Variants in P2RX7 observed in about 807,000 individuals in gnomAD.
P2RX7 encodes the protein purinergic receptor P2X 7.
In P2RX7, 62 loss-of-function variants were observed where a neutral mutation model predicts 71.6. The ratio of observed to expected loss-of-function variants is 0.87; its 90% CI spans 0.71 to 1.07. The LOEUF is 1.07. Ranked by LOEUF, P2RX7 falls within the 50% of genes least tolerant of loss-of-function variation. The pLI, the probability that P2RX7 is intolerant of heterozygous loss-of-function variation, is 0.00. For synonymous variants in P2RX7, 299 were observed against 283.3 expected (o/e 1.06, Z -0.56); for missense variants, 686 against 748.5 (o/e 0.92, Z 0.97).
At chr12:121,155,114 C>G in intron 2 of P2RX7, 161 bp downstream of exon 2, 1 of 1,473,148 alleles carries the variant, frequency 6.8e-7, no homozygotes, top group Non-Finnish European at 9.1e-7. Context: ...AATTGCAAAA[C>G]TGGGTGAGAT....
chr12:121,134,906 G>C (rs1327219605), intron 1 of P2RX7, among the ~76,000 whole-genome samples: 1 of 151,824 alleles, frequency 6.6e-6, no homozygotes, highest in South Asian at 2.1e-4. Context: ...TCTGGGCCAA[G>C]TCATTAACTT....
chr12:121,155,469 G>A (rs954120922), intron 2 of P2RX7: 2 of 1,122,656 alleles, frequency 1.8e-6, no homozygotes. Flanking sequence ...TTGCAAGCAG[G>A]GAAAATGAAA....
rs1565949637 is a variant in P2RX7, at chr12:121,154,983, CG to C, written c.294+31del. ...GCACCTCGTAGCATTCTCCCAGGCT[CG>C]TCGCTGGTCACCGTCGCCAGGGCCT... On this transcript the variant is annotated intron_variant, in intron 2 of 12. Coordinates refer to ENST00000328963, the MANE Select transcript of P2RX7 (RefSeq NM_002562.6). The surrounding 1 kb of genome is among the most constrained non-coding windows in gnomAD (Gnocchi z 4.2). The C allele has an allele frequency of 6.2e-7, 1 of 1,611,626 alleles. No homozygotes were observed. The highest frequency in any genetic ancestry group is 8.5e-7 in the Non-Finnish European group (1 of 1,178,432).
At chr12:121,161,620 C>T (rs568748928) in intron 4 of P2RX7, among the ~76,000 whole-genome samples, 2 of 151,638 alleles carry the variant, frequency 1.3e-5, no homozygotes, top group South Asian at 4.2e-4. Flanking sequence ...GGTGAAACCC[C>T]GTCTCTACTA....
intron 5 of P2RX7, among the ~76,000 whole-genome samples, chr12:121,164,500 G>A (rs747291518): frequency 6.6e-6 from 1 of 152,196 alleles, no homozygotes. Context: ...GAACTACCTA[G>A]CCAGGTGCGG....
intron 8 of P2RX7, among the ~76,000 whole-genome samples, chr12:121,168,629 C>G (rs1402035616): frequency 6.6e-6 from 1 of 152,102 alleles, no homozygotes; most frequent in Non-Finnish European, 1.5e-5. Flanking sequence ...TCCCAACAAC[C>G]CTGGAAGGAA....
rs200000944 is a variant in P2RX7, at chr12:121,175,487, C to T, written c.972+9C>T. ...TCCTGGTTTTTGGCACCGTAAGTCT[C>T]GTTTCCCAGCTCCGGGCACCGGCAT... is the stretch of plus-strand genomic sequence containing the variant. On this transcript the variant is annotated intron_variant, in intron 9 of 12. Transcript: ENST00000328963. 37 of 1,147,804 alleles carry T rather than the reference C, an allele frequency of 3.2e-5. No homozygotes were observed. Among genetic ancestry groups the T allele is most frequent in the African/African-American group, 4.6e-5 (3 of 65,814 alleles). The allele number at this position is 1,147,804 out of a possible 1,614,324, so 71.1% of individuals were successfully genotyped here.
At chr12:121,177,111 A>AT in intron 9 of P2RX7, 36 bp from the exon 10 acceptor site, 2 of 1,593,590 alleles carry the variant, frequency 1.3e-6, no homozygotes, top group African/African-American at 1.3e-5. Context: ...GTTGCTCTGA[A>AT]TTTCACCTGA....
chr12:121,164,545 C>T (rs1323317512), intron 5 of P2RX7, among the ~76,000 whole-genome samples: 1 of 152,138 alleles, frequency 6.6e-6, no homozygotes, highest in Admixed American at 6.6e-5. Context: ...CTTTGGCAGG[C>T]TGAGGCAGGC....
chr12:121,177,691 T>TTC (rs1883396702), intron 11 of P2RX7, among the ~76,000 whole-genome samples: 1 of 61,280 alleles, frequency 1.6e-5, no homozygotes, highest in African/African-American at 6.3e-5. Flanking sequence ...TTTTGTCATT[T>TTC]ATTTATTTAT....
chr12:121,138,922 T>C (rs1329553366), intron 1 of P2RX7, among the ~76,000 whole-genome samples: 1 of 152,234 alleles, frequency 6.6e-6, no homozygotes, highest in Non-Finnish European at 1.5e-5. Context: ...AAGCCGCCTA[T>C]GGTGGCACCA....
At chr12:121,134,003 C>T (rs888515655) in intron 1 of P2RX7, among the ~76,000 whole-genome samples, 16 of 152,118 alleles carry the variant, frequency 1.1e-4, no homozygotes, top group African/African-American at 3.1e-4. Flanking sequence ...GGATTACAGG[C>T]GTGAGCCATT....
intron 1 of P2RX7, among the ~76,000 whole-genome samples, chr12:121,153,762 C>T (rs925193830): frequency 5.9e-5 from 9 of 151,932 alleles, no homozygotes; most frequent in African/African-American, 2.2e-4. Flanking sequence ...ACTGTTGTGA[C>T]GATTAAAGGA....
chr12:121,177,962 A>G (rs1248253800), intron 11 of P2RX7, among the ~76,000 whole-genome samples: 1 of 151,886 alleles, frequency 6.6e-6, no homozygotes, highest in Non-Finnish European at 1.5e-5. Context: ...CAAATGATCC[A>G]CCCACTCGGC....
At position 121,174,185 on chromosome 12, in the gene P2RX7, T is replaced by C. The variant is rs371655598; in HGVS notation, c.882-1203T>C. 2.3e-3 allele frequency among the ~76,000 whole-genome samples: 341 copies of C among 151,228 alleles called. 1 individual carries two copies. Among genetic ancestry groups the C allele is most frequent in the African/African-American group, 7.9e-3 (327 of 41,198 alleles). The stretch of plus-strand genomic sequence containing the variant: ...GCCTCAGCGTCCTGAGTAGCTGGGA[T>C]TACAGGTGCCTGCCACCATGCACGG... On this transcript the variant is annotated intron_variant, in intron 8 of 12. Coordinates refer to ENST00000328963, the MANE Select transcript of P2RX7 (RefSeq NM_002562.6).
At chr12:121,139,687 G>GCAAATC (rs1241506356) in intron 1 of P2RX7, among the ~76,000 whole-genome samples, 1 of 151,056 alleles carries the variant, frequency 6.6e-6, no homozygotes. Context: ...GCCAGGAGGA[G>GCAAATC]CAAATCCAAA....
At chr12:121,172,399 G>A (rs531520288) in intron 8 of P2RX7, among the ~76,000 whole-genome samples, 1 of 152,362 alleles carries the variant, frequency 6.6e-6, no homozygotes, top group South Asian at 2.1e-4. Context: ...GGAGGCTGAG[G>A]TGGGTGCATC....
intron 4 of P2RX7, 31 bp downstream of exon 4, chr12:121,161,005 G>T: frequency 6.5e-7 from 1 of 1,547,078 alleles, no homozygotes; most frequent in Non-Finnish European, 8.9e-7. Flanking sequence ...CGAGACCCTA[G>T]GGGTGGATGG....
intron 8 of P2RX7, 28 bp downstream of exon 8, chr12:121,167,652 C>CGAT: frequency 6.7e-7 from 1 of 1,494,914 alleles, no homozygotes; most frequent in Non-Finnish European, 8.9e-7. Flanking sequence ...GTCAAACTCA[C>CGAT]CCAGTGGCTG....
Sources: allele counts gnomAD v4.1 joint callset (sites outside exome capture counted in the v4.1 genomes callset), GRCh38; gene constraint gnomAD v4.1.1; non-coding constraint Gnocchi (gnomAD v3.1); transcripts MANE v1.5; gene names NCBI Gene and HGNC (gene_info 2026-07-23, HGNC 2026-07-21).